The following MUC17 variants were observed in gnomAD, a reference collection of about 807,000 sequenced individuals.
MUC17 encodes mucin-17.
In MUC17, 190 loss-of-function variants were observed where a neutral mutation model predicts 170.3. The ratio of observed to expected loss-of-function variants is 1.12; its 90% CI spans 0.99 to 1.26. The LOEUF is 1.26. Ranked by LOEUF, MUC17 falls within the 50% of genes most tolerant of loss-of-function variation. The pLI, the probability that MUC17 is intolerant of heterozygous loss-of-function variation, is 0.00. For synonymous variants in MUC17, 2,325 were observed against 2,002.5 expected (o/e 1.16, Z -4.30); for missense variants, 6,415 against 5,530.0 (o/e 1.16, Z -5.08).
In MUC17 at chr7:101,030,875, C is replaced by T. The variant is rs569083458; in HGVS notation, c.83-245C>T. 5.3e-5 allele frequency among the ~76,000 whole-genome samples: 8 copies of T among 152,346 alleles called. No individual in the cohort carries two copies. In the East Asian group the frequency reaches 5.8e-4, roughly 11 times the overall value. ...CCCAGCCTCCAAAGTGCTGGAACTA[C>T]GGGCACATGCCACCTGCACAATTTG... On this transcript the variant is annotated intron_variant, in intron 1 of 12. Coordinates refer to ENST00000306151, the MANE Select transcript of MUC17 (RefSeq NM_001040105.2).
At position 101,042,675 on chromosome 7, in the gene MUC17, C is replaced by T. The variant is rs141089332; in HGVS notation, c.11259C>T (p.Thr3753=). 10 of 1,613,764 alleles carry T rather than the reference C, an allele frequency of 6.2e-6. No individual in the cohort carries two copies. In the Admixed American group the frequency reaches 6.7e-5, roughly 11 times the overall value. ...TGTCAATGCCCATGGAAATAAGCAC[C>T]CTTGGGACCACTATTCTTGTCAGTA... The part of the protein sequence containing the change: ...MSVSMPMEIS[T]LGTTILVSTT... Residue 3753 remains threonine, a synonymous_variant, in exon 3 of 13, where the codon ACC becomes ACT. Coordinates refer to ENST00000306151, the MANE Select transcript of MUC17 (RefSeq NM_001040105.2).
Position 101,031,873 on chromosome 7 carries a change from A to G in MUC17, c.457A>G (p.Ser153Gly), listed in dbSNP as rs1449849746. Residue 153 changes from serine to glycine, a missense_variant, in exon 3 of 13, where the codon AGT (serine) becomes GGT (glycine). Physicochemically the swap from Ser to Gly is moderately conservative, Grantham distance 56. Coordinates refer to ENST00000306151, the MANE Select transcript of MUC17 (RefSeq NM_001040105.2). Reference protein sequence around the residue: ...EGTDVPMSTPSEESISSTMAF... With the variant: ...EGTDVPMSTPGEESISSTMAF... ...CACCGACGTGCCCATGTCAACACCA[A>G]GTGAAGAAAGCATTTCATCAACAAT... 6.2e-7 allele frequency: 1 copy of G among 1,614,216 alleles called. No homozygotes were observed. Among genetic ancestry groups the G allele is most frequent in the East Asian group, 2.2e-5 (1 of 44,888 alleles).
intron 1 of MUC17, among the ~76,000 whole-genome samples, chr7:101,028,745 A>G (rs1794225970): frequency 6.6e-6 from 1 of 151,762 alleles, no homozygotes; most frequent in African/African-American, 2.4e-5. Flanking sequence ...AAAACTGGCT[A>G]GGTGTGGTGT....
In MUC17 at chr7:101,038,024, C is replaced by G; in HGVS notation, c.6608C>G (p.Thr2203Arg). Residue 2203 changes from threonine (T) to arginine (R), a missense_variant, in exon 3 of 13, where the codon ACA becomes AGA. Physicochemically the swap from Thr to Arg is moderately conservative, Grantham distance 71. Coordinates refer to ENST00000306151, the MANE Select transcript of MUC17 (RefSeq NM_001040105.2). ...TCTACTGAAGCCCGTTCATCTCCTA[C>G]AACTTCTGAAGGTACCAGCATGCCA... Reference protein sequence around the residue: ...TNSTEARSSPTTSEGTSMPTS... With the variant: ...TNSTEARSSPRTSEGTSMPTS... 1 of 1,608,174 alleles carries G rather than the reference C, an allele frequency of 6.2e-7. No homozygotes were observed. The highest frequency in any genetic ancestry group is 8.5e-7 in the Non-Finnish European group (1 of 1,176,938).
rs1440186597 is a variant in MUC17 at position 101,037,095 on chromosome 7, C to A, written c.5679C>A (p.Val1893=). Residue 1893 remains valine (V), a synonymous_variant, in exon 3 of 13, where the codon GTC becomes GTA. Transcript: ENST00000306151. ...ACACCCTTTCAACAACTCCCGCTGT[C>A]ACCAGCACACCTGTGACCACTTATG... The part of the protein sequence containing the change: ...ETNTLSTTPA[V]TSTPVTTYAQ... The A allele has an allele frequency of 1.9e-6, 3 of 1,584,142 alleles. No homozygotes were observed. Among genetic ancestry groups the A allele is most frequent in the African/African-American group, 2.8e-5 (2 of 70,320 alleles).
Position 101,037,031 on chromosome 7 carries a change from T to C in MUC17, c.5615T>C (p.Ile1872Thr), listed in dbSNP as rs1004469272. 1.3e-5 allele frequency: 20 copies of C among 1,583,266 alleles called. No individual in the cohort carries two copies. The highest frequency in any genetic ancestry group is 1.6e-5 in the Non-Finnish European group (19 of 1,178,886). ...PSEGSTALTS[I>T]PVSTTTVASS... Reference sequence around the variant, plus strand: ...GAAGGAAGCACTGCATTAACAAGTATACCTGTCAGCACCACAACAGTGGCC... The same window carrying C: ...GAAGGAAGCACTGCATTAACAAGTACACCTGTCAGCACCACAACAGTGGCC... Residue 1872 changes from isoleucine to threonine, a missense_variant, in exon 3 of 13, where the codon ATA becomes ACA. Physicochemically the swap from Ile to Thr is moderately conservative, Grantham distance 89 (BLOSUM62 -1). Transcript: ENST00000306151.
chr7:101,030,955 C>G, intron 1 of MUC17, among the ~76,000 whole-genome samples, 165 bp from the exon 2 acceptor site: 1 of 152,172 alleles, frequency 6.6e-6, no homozygotes, highest in East Asian at 1.9e-4. Flanking sequence ...CATCTTCTTG[C>G]TTTACTTTCT....
rs747663877 is a variant in MUC17 at position 101,040,607 on chromosome 7, G to T, written c.9191G>T (p.Ser3064Ile). The change falls in exon 3 of 13, where the codon AGC becomes ATC. Residue 3064 changes from serine (S) to isoleucine (I), a missense_variant. Coordinates refer to ENST00000306151, the MANE Select transcript of MUC17 (RefSeq NM_001040105.2). ...STTPVAIPEA[S>I]TLSTTPVDSN... ...ACGCCAGTGGCCATTCCTGAGGCTA[G>T]CACCCTTTCAACAACTCCTGTTGAC... The T allele has an allele frequency of 6.8e-6, 11 of 1,612,364 alleles. No individual in the cohort carries two copies.
intron 12 of MUC17, 88 bp from the exon 13 acceptor site, chr7:101,057,915 A>G: frequency 8.9e-7 from 1 of 1,119,906 alleles, no homozygotes; most frequent in Non-Finnish European, 1.3e-6. Flanking sequence ...ATTAAACAGA[A>G]CACTTCCTAT....
Position 101,037,580 on chromosome 7 carries a change from T to C in MUC17, c.6164T>C (p.Leu2055Pro). Reference protein sequence around the residue: ...PLAGMPVSTTLVVSSEGNTLS... With the variant: ...PLAGMPVSTTPVVSSEGNTLS... ...GCAGGTATGCCTGTCAGCACTACGC[T>C]TGTGGTCAGTTCTGAGGGTAACACC... The change falls in exon 3 of 13, where the codon CTT (leucine) becomes CCT (proline). Residue 2055 changes from leucine to proline, a missense_variant. Physicochemically the swap from Leu to Pro is moderately conservative, Grantham distance 98. Transcript: ENST00000306151. 1.9e-6 allele frequency: 3 copies of C among 1,613,588 alleles called. No individual in the cohort carries two copies. Among genetic ancestry groups the C allele is most frequent in the South Asian group, 1.1e-5 (1 of 91,016 alleles).
At position 101,042,094 on chromosome 7, in the gene MUC17, A is replaced by T. The variant is rs779130569; in HGVS notation, c.10678A>T (p.Thr3560Ser). The change falls in exon 3 of 13, where the codon ACT becomes TCT. Residue 3560 changes from threonine to serine, a missense_variant. Thr to Ser is a moderately conservative substitution (Grantham distance 58, BLOSUM62 1). Transcript: ENST00000306151. The stretch of plus-strand genomic sequence containing the variant: ...TAGTCAAGCCAGTTCATCTCCAGCA[A>T]CTCTTCAGGTCACCACTATGCGTAT... ...SSSQASSSPATLQVTTMRMST... is the reference protein window; with the variant it reads ...SSSQASSSPASLQVTTMRMST... 2 of 1,613,844 alleles carry T rather than the reference A, an allele frequency of 1.2e-6. No homozygotes were observed. The highest frequency in any genetic ancestry group is 1.7e-6 in the Non-Finnish European group (2 of 1,180,010).
At position 101,037,531 on chromosome 7, in the gene MUC17, C is replaced by T. The variant is rs573166135; in HGVS notation, c.6115C>T (p.Pro2039Ser). 3.7e-6 allele frequency: 6 copies of T among 1,613,826 alleles called. No individual in the cohort carries two copies. In the East Asian group the frequency reaches 8.9e-5, roughly 24 times the overall value. Residue 2039 changes from proline to serine, a missense_variant, in exon 3 of 13, where the codon CCT (proline) becomes TCT (serine). Pro to Ser is a moderately conservative substitution (Grantham distance 74, BLOSUM62 -1). Transcript: ENST00000306151. The part of the protein sequence containing the change: ...AGGTSIQTST[P>S]SERTTPLAGM... ...AGGTACCAGCATACAAACCTCAACT[C>T]CTAGTGAACGGACCACTCCATTAGC... is the stretch of plus-strand genomic sequence containing the variant.
intron 1 of MUC17, among the ~76,000 whole-genome samples, chr7:101,026,324 T>C (rs780845463): frequency 2.0e-5 from 3 of 152,240 alleles, no homozygotes; most frequent in Admixed American, 6.5e-5. Context: ...GCCTATGGCC[T>C]GGCTTTGCCA....
At chr7:101,020,798 A>C (rs2116381123) in intron 1 of MUC17, among the ~76,000 whole-genome samples, 1 of 152,258 alleles carries the variant, frequency 6.6e-6, no homozygotes, top group South Asian at 2.1e-4. Context: ...CCCAAAAGAC[A>C]AGGCATTAGG....
chr7:101,045,842 G>A (rs150875179), intron 3 of MUC17, among the ~76,000 whole-genome samples: 114 of 152,310 alleles, frequency 7.5e-4, no homozygotes, highest in African/African-American at 2.5e-3. Flanking sequence ...GGTGTCTCAC[G>A]ACAAAGGCCA....
Position 101,037,484 on chromosome 7 carries a change from GTTCATC to G in MUC17, c.6070_6075del (p.Ser2024_Ser2025del). 1 of 1,612,916 alleles carries G rather than the reference GTTCATC, an allele frequency of 6.2e-7. No homozygotes were observed. The highest frequency in any genetic ancestry group is 8.5e-7 in the Non-Finnish European group (1 of 1,179,396). On this transcript the variant is annotated inframe_deletion, in exon 3 of 13. Coordinates refer to ENST00000306151, the MANE Select transcript of MUC17 (RefSeq NM_001040105.2). ...CCTGCCACCACTTCTACTGAAGGCA[GTTCATC>G]TCCTACAACTGCAGGAGGTACCAGC...
intron 3 of MUC17, among the ~76,000 whole-genome samples, chr7:101,047,039 C>T (rs1229548015): frequency 6.6e-6 from 1 of 151,098 alleles, no homozygotes; most frequent in African/African-American, 2.4e-5. Flanking sequence ...CGAGATCACG[C>T]CACTGCACTC....
In MUC17 at chr7:101,034,742, G is replaced by GA; in HGVS notation, c.3326_3327insA (p.Ser1109ArgfsTer9). On this transcript the variant is annotated frameshift_variant, in exon 3 of 13. Transcript: ENST00000306151. LOFTEE classifies it high-confidence loss of function. Reference sequence around the variant, plus strand: ...ACTCCACTAACAAGTGTGCCTGTCAGCACCAGGCTGGTGGTCAGTTCTGAG... The same window carrying GA: ...ACTCCACTAACAAGTGTGCCTGTCAGACACCAGGCTGGTGGTCAGTTCTGAG... 1 of 1,607,266 alleles carries GA rather than the reference G, an allele frequency of 6.2e-7. No individual in the cohort carries two copies. Among genetic ancestry groups the GA allele is most frequent in the East Asian group, 2.2e-5 (1 of 44,468 alleles).
In MUC17 at chr7:101,042,674, C is replaced by A. The variant is rs1794752182; in HGVS notation, c.11258C>A (p.Thr3753Asn). 3 of 1,613,916 alleles carry A rather than the reference C, an allele frequency of 1.9e-6. No individual in the cohort carries two copies. Among genetic ancestry groups the A allele is most frequent in the Non-Finnish European group, 2.5e-6 (3 of 1,180,034 alleles). Residue 3753 changes from threonine to asparagine, a missense_variant, in exon 3 of 13, where the codon ACC (threonine) becomes AAC (asparagine). Transcript: ENST00000306151. ...MSVSMPMEIS[T>N]LGTTILVSTT... ...GTGTCAATGCCCATGGAAATAAGCA[C>A]CCTTGGGACCACTATTCTTGTCAGT...
Sources: gnomAD v4.1 joint callset for allele counts (sites outside exome capture counted in the v4.1 genomes callset) on GRCh38, gnomAD v4.1.1 for gene constraint, MANE v1.5 for transcripts, NCBI Gene and HGNC (gene_info 2026-07-23, HGNC 2026-07-21) for gene names.